CHRND: variants seen among roughly 807,000 people sequenced by gnomAD.
The protein encoded by CHRND is cholinergic receptor nicotinic delta subunit.
A neutral mutation model predicts 57.8 loss-of-function variants in CHRND; 40 were observed. The observed-to-expected ratio is 0.69, with a 90% confidence interval of 0.54 to 0.90. CHRND has a LOEUF of 0.90. Among genes scored for constraint, CHRND ranks in the 40% least tolerant of loss-of-function variants. The pLI, the probability that CHRND is intolerant of heterozygous loss-of-function variation, is 0.00. For missense variants in CHRND, 634 were observed against 673.9 expected (o/e 0.94, Z 0.66); for synonymous variants, 237 against 270.6 (o/e 0.88, Z 1.22).
intron 11 of CHRND, 47 bp downstream of exon 11, chr2:232,534,389 T>G (rs1309375887): frequency 6.4e-7 from 1 of 1,553,338 alleles, no homozygotes; most frequent in Non-Finnish European, 8.9e-7. Flanking sequence ...AGTAGGGCAC[T>G]GATTAAGTGT....
chr2:232,526,408 G>C, intron 1 of CHRND, 121 bp from the exon 2 acceptor site: 2 of 1,550,030 alleles, frequency 1.3e-6, no homozygotes, highest in South Asian at 2.3e-5. Context: ...CCACTCCCAG[G>C]GAGTGGTTGG....
Position 232,536,123 on chromosome 2 carries a change from C to T in CHRND, c.*811C>T. On this transcript the variant is annotated 3_prime_UTR_variant, in exon 12 of 12. Coordinates refer to ENST00000258385, the MANE Select transcript of CHRND (RefSeq NM_000751.3). ...TCTAGCAACCCTATCCCAAAGGCAG[C>T]CTCCACTCAATCTTATCCTGAGGGC... 2.2e-6 allele frequency: 1 copy of T among 454,172 alleles called. No individual in the cohort carries two copies. Among genetic ancestry groups the T allele is most frequent in the South Asian group, 1.6e-5 (1 of 64,482 alleles). The allele number at this position is 454,172 out of a possible 1,614,324, so 28.1% of individuals were successfully genotyped here. A position where few individuals can be genotyped will look rare whatever the true frequency, so the allele number is the denominator to read the frequency against.
At chr2:232,534,738 G>C (rs1213505952) in intron 11 of CHRND, among the ~76,000 whole-genome samples, 1 of 152,212 alleles carries the variant, frequency 6.6e-6, no homozygotes, top group Non-Finnish European at 1.5e-5. Context: ...ACTATCTCTT[G>C]AGAAAGGGCA....
chr2:232,527,097 G>A (rs1165143421), intron 2 of CHRND, among the ~76,000 whole-genome samples: 2 of 151,830 alleles, frequency 1.3e-5, no homozygotes. Flanking sequence ...TCAGGAGCTC[G>A]AGACCAGCCT....
At chr2:232,532,494 A>T (rs1161728035) in intron 9 of CHRND, among the ~76,000 whole-genome samples, 1 of 151,840 alleles carries the variant, frequency 6.6e-6, no homozygotes, top group African/African-American at 2.4e-5. Flanking sequence ...AAAAAAAAAA[A>T]AAAAAATCTG....
intron 9 of CHRND, among the ~76,000 whole-genome samples, chr2:232,532,656 G>A (rs192994075): frequency 1.4e-4 from 21 of 152,210 alleles, no homozygotes; most frequent in East Asian, 5.8e-4. Context: ...GAAACCAGAC[G>A]CAGCAGCACA....
In CHRND at chr2:232,531,314, C is replaced by T. The variant is rs372983474; in HGVS notation, c.821-38C>T. On this transcript the variant is annotated intron_variant, in intron 7 of 11. Coordinates refer to ENST00000258385, the MANE Select transcript of CHRND (RefSeq NM_000751.3). ...AGGTCACAGCTGGACCCTCTAGGAC[C>T]GGTGCCCCAAGGTCACAGCTAAGTC... The T allele has an allele frequency of 7.3e-4, 1,053 of 1,451,574 alleles. 3 individuals are homozygous for T. The highest frequency in any genetic ancestry group is 1.1e-3 in the Admixed American group (63 of 59,664). The allele number at this position is 1,451,574 out of a possible 1,614,324, so 89.9% of individuals were successfully genotyped here. A position where few individuals can be genotyped will look rare whatever the true frequency, so the allele number is the denominator to read the frequency against.
At chr2:232,526,305 T>A (rs1691461823) in intron 1 of CHRND, 38 bp downstream of exon 1, 2 of 1,602,374 alleles carry the variant, frequency 1.2e-6, no homozygotes, top group Non-Finnish European at 1.7e-6. Context: ...GGGTCCCCCG[T>A]GATGCTTACC....
At position 232,534,022 on chromosome 2, in the gene CHRND, C is replaced by T; in HGVS notation, c.1139C>T (p.Ser380Phe). Residue 380 changes from serine to phenylalanine, a missense_variant, in exon 10 of 12, where the codon TCC (serine) becomes TTC (phenylalanine). By Grantham distance (155) the Ser-to-Phe change is radical (BLOSUM62 -2). Coordinates refer to ENST00000258385, the MANE Select transcript of CHRND (RefSeq NM_000751.3). ...GGGGCCCTGGTGCGGAGGAGCAGCT[C>T]CCTGGGATACATCTCCAAGGCCGAG... is the stretch of plus-strand genomic sequence containing the variant. ...SPGALVRRSS[S>F]LGYISKAEEY... 1 of 1,614,070 alleles carries T rather than the reference C, an allele frequency of 6.2e-7. No homozygotes were observed. The highest frequency in any genetic ancestry group is 1.1e-5 in the South Asian group (1 of 91,082).
rs183259359 is a variant in CHRND, at chr2:232,535,988, G to A, written c.*676G>A. Reference sequence around the variant, plus strand: ...CTCCCCAAAGGGTCCCTGCCCCCCAGCACCTACTCCTCTCCAAATTAGGGT... The same window carrying A: ...CTCCCCAAAGGGTCCCTGCCCCCCAACACCTACTCCTCTCCAAATTAGGGT... On this transcript the variant is annotated 3_prime_UTR_variant, in exon 12 of 12. Transcript: ENST00000258385. The A allele has an allele frequency of 3.8e-4, 173 of 454,128 alleles. No individual in the cohort carries two copies. In the East Asian group the frequency reaches 9.7e-3, roughly 26 times the overall value. The allele number at this position is 454,128 out of a possible 1,614,324, so 28.1% of individuals were successfully genotyped here.
intron 2 of CHRND, 129 bp downstream of exon 2, chr2:232,526,803 G>A (rs998852580): frequency 2.1e-5 from 20 of 961,426 alleles, no homozygotes; most frequent in South Asian, 9.1e-5. Context: ...AACGTGCTGC[G>A]GCTGCTCTGT....
chr2:232,532,171 A>G (rs1691727414), intron 9 of CHRND, among the ~76,000 whole-genome samples: 2 of 151,742 alleles, frequency 1.3e-5, no homozygotes, highest in Admixed American at 1.3e-4. Flanking sequence ...AAAATAAAAT[A>G]AAATGAAAAG....
intron 6 of CHRND, among the ~76,000 whole-genome samples, 195 bp downstream of exon 6, chr2:232,529,166 C>A (rs1481552552): frequency 2.6e-5 from 4 of 152,234 alleles, no homozygotes; most frequent in African/African-American, 9.6e-5. Context: ...GACACTCACA[C>A]TTCCTGAATG....
At position 232,531,629 on chromosome 2, in the gene CHRND, C is replaced by A. The variant is rs765400853; in HGVS notation, c.1020C>A (p.Thr340=). 2.5e-6 allele frequency: 4 copies of A among 1,613,484 alleles called. No homozygotes were observed. The highest frequency in any genetic ancestry group is 3.4e-6 in the Non-Finnish European group (4 of 1,179,932). Residue 340 remains threonine (T), a synonymous_variant, in exon 9 of 12, where the codon ACC becomes ACA. Coordinates refer to ENST00000258385, the MANE Select transcript of CHRND (RefSeq NM_000751.3). The stretch of plus-strand genomic sequence containing the variant: ...ACATCCACTTCCGAACACCCAGCAC[C>A]CATGTGCTGTCTGAGGGGGTCAAGA... ...VLNIHFRTPS[T]HVLSEGVKKL...
rs567364813 is a variant in CHRND at position 232,533,023 on chromosome 2, C to CT, written c.1048-900dup. ...GACAGCTGAAGGCAGTTTAGCAACTCTTTTTTTTCTTTTTTGAGATGGAGT... is the reference window on the plus strand; with the variant it reads ...GACAGCTGAAGGCAGTTTAGCAACTCTTTTTTTTTCTTTTTTGAGATGGAGT... On this transcript the variant is annotated intron_variant, in intron 9 of 11. Coordinates refer to ENST00000258385, the MANE Select transcript of CHRND (RefSeq NM_000751.3). Among the ~76,000 whole-genome samples, 48 of 151,964 alleles carry CT rather than the reference C, an allele frequency of 3.2e-4. 1 individual carries two copies. The highest frequency in any genetic ancestry group is 3.4e-3 in the Middle Eastern group (1 of 294).
intron 9 of CHRND, 130 bp downstream of exon 9, chr2:232,531,786 T>A: frequency 2.7e-6 from 2 of 749,434 alleles, no homozygotes; most frequent in East Asian, 2.7e-5. Context: ...CCTGTCTCTA[T>A]AAACAATCAA....
At position 232,527,454 on chromosome 2, in the gene CHRND, G is replaced by A. The variant is rs1015689711; in HGVS notation, c.243+9G>A. ...ATGTGTGGATAGAGCACGTAAGAAT[G>A]CCCCTCCCAGCCGGGCGCAGTGGCT... is the stretch of plus-strand genomic sequence containing the variant. On this transcript the variant is annotated intron_variant, in intron 3 of 11. Coordinates refer to ENST00000258385, the MANE Select transcript of CHRND (RefSeq NM_000751.3). The A allele has an allele frequency of 1.9e-6, 3 of 1,611,198 alleles. No homozygotes were observed. The highest frequency in any genetic ancestry group is 1.7e-5 in the Admixed American group (1 of 59,992).
chr2:232,526,450 C>T lies in CHRND; in HGVS notation c.53-79C>T, dbSNP rs148184674. 8,859 of 1,604,502 alleles carry T rather than the reference C, an allele frequency of 5.5e-3. 46 individuals are homozygous for T. Among genetic ancestry groups the T allele is most frequent in the Middle Eastern group, 9.2e-3 (46 of 4,974 alleles). ...CCCTGCTCATCCCAACCTCATGGTCCAGCAGGACCTCAGGGCAGCTTCCTT... is the reference window on the plus strand; with the variant it reads ...CCCTGCTCATCCCAACCTCATGGTCTAGCAGGACCTCAGGGCAGCTTCCTT... On this transcript the variant is annotated intron_variant, in intron 1 of 11. Coordinates refer to ENST00000258385, the MANE Select transcript of CHRND (RefSeq NM_000751.3).
intron 9 of CHRND, among the ~76,000 whole-genome samples, chr2:232,533,642 G>A (rs980104670): frequency 6.6e-6 from 1 of 152,194 alleles, no homozygotes; most frequent in Non-Finnish European, 1.5e-5. Flanking sequence ...CACTTTGGGA[G>A]GCCAAGTCAG....
Sources: gnomAD v4.1 joint callset for allele counts (sites outside exome capture counted in the v4.1 genomes callset) on GRCh38, gnomAD v4.1.1 for gene constraint, MANE v1.5 for transcripts, NCBI Gene and HGNC (gene_info 2026-07-23, HGNC 2026-07-21) for gene names.